The following ATP6V1A variants were observed in gnomAD, a reference collection of about 807,000 sequenced individuals.
ATP6V1A encodes the protein ATPase H+ transporting V1 subunit A, also known as V-type proton ATPase catalytic subunit A.
In ATP6V1A, 18 loss-of-function variants were observed where a neutral mutation model predicts 70.1. The observed-to-expected ratio is 0.26, with a 90% CI of 0.18 to 0.38. The LOEUF (loss-of-function observed/expected upper bound fraction) is 0.38, where lower values mean the gene tolerates loss of function less well. ATP6V1A is among the 10% of genes least tolerant of loss of function. The pLI is 1.00. For missense variants in ATP6V1A, 424 were observed against 772.4 expected (o/e 0.55, Z 5.35); for synonymous variants, 232 against 253.8 (o/e 0.91, Z 0.82).
At chr3:113,777,005 A>G (rs1439801030) in intron 1 of ATP6V1A, among the ~76,000 whole-genome samples, 1 of 152,210 alleles carries the variant, frequency 6.6e-6, no homozygotes, top group Non-Finnish European at 1.5e-5. Flanking sequence ...AGGGTATATT[A>G]TTTGGTACTT....
At position 113,784,539 on chromosome 3, in the gene ATP6V1A, C is replaced by T. The variant is rs1037404377; in HGVS notation, c.426+101C>T. 231 of 1,386,462 alleles carry T rather than the reference C, an allele frequency of 1.7e-4. 1 individual carries two copies. In the Middle Eastern group the frequency reaches 1.7e-3, roughly 10 times the overall value. The allele number at this position is 1,386,462 out of a possible 1,614,324, so 85.9% of individuals were successfully genotyped here. A position where few individuals can be genotyped will look rare whatever the true frequency, so the allele number is the denominator to read the frequency against. ...TCTTAGTCCAAATAAAAATAGACTA[C>T]AGAAGGATAGTTTAAAGTTTTTCTT... On this transcript the variant is annotated intron_variant, in intron 4 of 14. Transcript: ENST00000273398.
intron 12 of ATP6V1A, among the ~76,000 whole-genome samples, chr3:113,799,542 G>A (rs1709186633): frequency 6.6e-6 from 1 of 152,102 alleles, no homozygotes; most frequent in Non-Finnish European, 1.5e-5. Context: ...TCTCATCACT[G>A]TGTTCTGTCA....
At chr3:113,769,092 A>C (rs959771843) in intron 1 of ATP6V1A, among the ~76,000 whole-genome samples, 1 of 150,718 alleles carries the variant, frequency 6.6e-6, no homozygotes, top group Non-Finnish European at 1.5e-5. Context: ...CTAAATATAC[A>C]TAGTGAAATA....
intron 1 of ATP6V1A, among the ~76,000 whole-genome samples, chr3:113,764,603 T>G (rs781523200): frequency 6.6e-6 from 1 of 152,226 alleles, no homozygotes; most frequent in Admixed American, 6.5e-5. Context: ...GTTGGCTGTC[T>G]TCTTGGCTGT....
intron 12 of ATP6V1A, among the ~76,000 whole-genome samples, chr3:113,801,664 T>C (rs1309122290): frequency 6.6e-6 from 1 of 151,724 alleles, no homozygotes; most frequent in East Asian, 1.9e-4. Context: ...AGATGGAAGG[T>C]AAAATAGGGA....
chr3:113,782,098 CTTT>C (rs1228674592), intron 3 of ATP6V1A, among the ~76,000 whole-genome samples: 1 of 152,124 alleles, frequency 6.6e-6, no homozygotes, highest in Admixed American at 6.5e-5. Context: ...AGCATTAATT[CTTT>C]GAGTATTTAA....
At chr3:113,754,099 C>T (rs1708620441) in intron 1 of ATP6V1A, among the ~76,000 whole-genome samples, 1 of 152,150 alleles carries the variant, frequency 6.6e-6, no homozygotes. Flanking sequence ...TTATATAAAA[C>T]TACATGTTTG....
rs143161983 is a variant in ATP6V1A at position 113,798,343 on chromosome 3, A to G, written c.1391A>G (p.Tyr464Cys). The G allele has an allele frequency of 5.6e-6, 9 of 1,614,020 alleles. No homozygotes were observed. The highest frequency in any genetic ancestry group is 7.6e-6 in the Non-Finnish European group (9 of 1,179,976). ...AAGTATATGCGTGCCTTGGATGAAT[A>G]CTATGACAAACACTTCACAGAGTTC... ...YSKYMRALDE[Y>C]YDKHFTEFVP... Residue 464 changes from tyrosine (Y) to cysteine (C), a missense_variant, in exon 12 of 15, where the codon TAC (tyrosine) becomes TGC (cysteine). Tyr to Cys is a radical substitution (Grantham distance 194, BLOSUM62 -2). Transcript: ENST00000273398.
chr3:113,810,675 T>G lies in ATP6V1A; in HGVS notation c.*1248T>G, dbSNP rs552254734. 2 of 152,300 alleles carry G rather than the reference T, an allele frequency of 1.3e-5. No homozygotes were observed. Among genetic ancestry groups the G allele is most frequent in the Admixed American group, 6.5e-5 (1 of 15,300 alleles). The allele number at this position is 152,300 out of a possible 1,614,324, so 9.4% of individuals were successfully genotyped here. ...GCAGTAAAATACCAGAGAAGATGTT[T>G]AGTAGCAATTAAAGGCTGTTTGCAC... On this transcript the variant is annotated 3_prime_UTR_variant, in exon 15 of 15. Coordinates refer to ENST00000273398, the MANE Select transcript of ATP6V1A (RefSeq NM_001690.4).
intron 13 of ATP6V1A, among the ~76,000 whole-genome samples, chr3:113,804,122 CT>C (rs1709249986): frequency 6.6e-6 from 1 of 151,924 alleles, no homozygotes; most frequent in African/African-American, 2.4e-5. Context: ...TCCTGAGTAG[CT>C]AGAACTGCAG....
intron 14 of ATP6V1A, among the ~76,000 whole-genome samples, chr3:113,806,078 G>C (rs945807761): frequency 1.3e-5 from 2 of 152,088 alleles, no homozygotes; most frequent in African/African-American, 4.8e-5. Context: ...TTCAAGACCA[G>C]CCTGGGCAAC....
At chr3:113,755,984 T>C (rs752022758) in intron 1 of ATP6V1A, among the ~76,000 whole-genome samples, 3 of 152,268 alleles carry the variant, frequency 2.0e-5, no homozygotes, top group Non-Finnish European at 4.4e-5. Flanking sequence ...CTCATCATCA[T>C]ATGTAACATT....
At position 113,778,796 on chromosome 3, in the gene ATP6V1A, G is replaced by C; in HGVS notation, c.43G>C (p.Glu15Gln). ...KLPKILDEDKESTFGYVHGVS... is the reference protein window; with the variant it reads ...KLPKILDEDKQSTFGYVHGVS... ...ACCCAAAATACTCGATGAAGATAAA[G>C]AAAGCACATTTGGTTATGTGCATGG... The change falls in exon 2 of 15, where the codon GAA (glutamate) becomes CAA (glutamine). Residue 15 changes from glutamate to glutamine, a missense_variant. Transcript: ENST00000273398. 1.3e-6 allele frequency: 2 copies of C among 1,594,068 alleles called. No homozygotes were observed. Among genetic ancestry groups the C allele is most frequent in the Non-Finnish European group, 1.7e-6 (2 of 1,170,506 alleles).
At chr3:113,781,387 G>T (rs1708976401) in intron 3 of ATP6V1A, among the ~76,000 whole-genome samples, 1 of 152,070 alleles carries the variant, frequency 6.6e-6, no homozygotes. Context: ...TATAGTGGCA[G>T]GCGCCTGTAA....
intron 1 of ATP6V1A, among the ~76,000 whole-genome samples, chr3:113,775,276 C>A (rs1708896264): frequency 6.8e-6 from 1 of 146,936 alleles, no homozygotes; most frequent in South Asian, 2.1e-4. Flanking sequence ...GTTGTCCCTG[C>A]TGGAATGCAG....
chr3:113,752,011 A>G (rs1224559946), intron 1 of ATP6V1A, among the ~76,000 whole-genome samples: 3 of 151,900 alleles, frequency 2.0e-5, no homozygotes, highest in Non-Finnish European at 4.4e-5. Context: ...AAAAATCACT[A>G]TTATTTTTGG....
intron 1 of ATP6V1A, among the ~76,000 whole-genome samples, chr3:113,756,895 CCTTT>C (rs1235279786): frequency 2.0e-5 from 3 of 152,084 alleles, no homozygotes; most frequent in Non-Finnish European, 4.4e-5. Flanking sequence ...ATAGCTGGGT[CCTTT>C]CTTGTGAAAA....
At chr3:113,768,665 G>A (rs760028998) in intron 1 of ATP6V1A, among the ~76,000 whole-genome samples, 1 of 148,762 alleles carries the variant, frequency 6.7e-6, no homozygotes, top group African/African-American at 2.5e-5. Context: ...GCGCAATCTC[G>A]GCTCAGTGCA....
At chr3:113,806,077 A>ATGG (rs1709272792) in intron 14 of ATP6V1A, among the ~76,000 whole-genome samples, 1 of 152,112 alleles carries the variant, frequency 6.6e-6, no homozygotes. Context: ...GTTCAAGACC[A>ATGG]GCCTGGGCAA....
Sources: gnomAD v4.1 joint callset for allele counts (sites outside exome capture counted in the v4.1 genomes callset) on GRCh38, gnomAD v4.1.1 for gene constraint, MANE v1.5 for transcripts, NCBI Gene and HGNC (gene_info 2026-07-23, HGNC 2026-07-21) for gene names.